NRP2: variants seen among roughly 807,000 people sequenced by gnomAD.
NRP2 encodes neuropilin-2.
NRP2 carries 52 observed loss-of-function variants against 110.4 expected under a neutral mutation model. The observed-to-expected ratio is 0.47, with a 90% CI of 0.38 to 0.59. The LOEUF (loss-of-function observed/expected upper bound fraction) is 0.59, where lower values mean the gene tolerates loss of function less well. NRP2 is among the 20% of genes least tolerant of loss of function. The probability of loss-of-function intolerance (pLI) is 0.00; values close to 1 mark genes in which losing one functional copy is unlikely to be tolerated. For missense variants in NRP2, 1,049 were observed against 1,203.0 expected (o/e 0.87, Z 1.89); for synonymous variants, 508 against 468.9 (o/e 1.08, Z -1.08).
At chr2:205,767,333 G>A in intron 15 of NRP2, 1 of 480,956 alleles carries the variant, frequency 2.1e-6, no homozygotes, top group South Asian at 1.5e-5. Flanking sequence ...GTGAGGTACG[G>A]TGGCAGGCTG....
chr2:205,781,219 C>T (rs911859227), intron 15 of NRP2, among the ~76,000 whole-genome samples: 2 of 152,196 alleles, frequency 1.3e-5, no homozygotes, highest in Admixed American at 6.5e-5. Flanking sequence ...TACTTACTCC[C>T]CCTAAAAGGG....
Position 205,686,213 on chromosome 2 carries a change from T to C in NRP2, c.73+2850T>C, listed in dbSNP as rs535490744. 6.6e-6 allele frequency among the ~76,000 whole-genome samples: 1 copy of C among 151,868 alleles called. No individual in the cohort carries two copies. Among genetic ancestry groups the C allele is most frequent in the East Asian group, 1.9e-4 (1 of 5,162 alleles). On this transcript the variant is annotated intron_variant, in intron 1 of 16. Coordinates refer to ENST00000357785, the MANE Select transcript of NRP2 (RefSeq NM_003872.3). This position sits in a 1 kb window ranked among gnomAD's most constrained non-coding sequence, Gnocchi z 4.7. Reference sequence around the variant, plus strand: ...TTGGCCGCCTCCAACTACTCCATGCTTGTGCCCTCCTCCTCCTCCTCCTCC... The same window carrying C: ...TTGGCCGCCTCCAACTACTCCATGCCTGTGCCCTCCTCCTCCTCCTCCTCC...
intron 7 of NRP2, among the ~76,000 whole-genome samples, chr2:205,740,201 A>G (rs1490153629): frequency 6.6e-6 from 1 of 152,154 alleles, no homozygotes; most frequent in Admixed American, 6.5e-5. Context: ...TTTTAAACAG[A>G]TATTCTACTT....
Position 205,749,854 on chromosome 2 carries a change from T to C in NRP2, c.1903+13T>C. 1 of 1,596,672 alleles carries C rather than the reference T, an allele frequency of 6.3e-7. No individual in the cohort carries two copies. On this transcript the variant is annotated intron_variant, in intron 11 of 16. Transcript: ENST00000357785. ...AGCTTTGAGGATGGTAAGCACAAAT[T>C]GCCTCCAGATGGCATGGGTGCGGAC...
chr2:205,701,741 G>A (rs2056562629), intron 2 of NRP2, among the ~76,000 whole-genome samples: 1 of 152,112 alleles, frequency 6.6e-6, no homozygotes, highest in South Asian at 2.1e-4. Context: ...ATTCCATTTA[G>A]GTGAAGTGTC....
At chr2:205,772,328 C>T (rs576771125) in intron 15 of NRP2, among the ~76,000 whole-genome samples, 1 of 152,352 alleles carries the variant, frequency 6.6e-6, no homozygotes, top group South Asian at 2.1e-4. Context: ...GGAACACTAC[C>T]TCATGTGTAA....
Position 205,727,896 on chromosome 2 carries a change from C to T in NRP2, c.996C>T (p.Asp332=), listed in dbSNP as rs770873685. ...TCCAGCCCTCTATTCCCCAGGTGGA[C>T]CTGCGCTTTTTAACCATGCTCACGG... The part of the protein sequence containing the change: ...LDSNKEYLQV[D]LRFLTMLTAI... Residue 332 remains aspartate, a synonymous_variant, in exon 7 of 17, where the codon GAC becomes GAT. Transcript: ENST00000357785. The T allele has an allele frequency of 2.2e-5, 36 of 1,613,122 alleles. No individual in the cohort carries two copies. The highest frequency in any genetic ancestry group is 2.9e-5 in the Non-Finnish European group (34 of 1,179,630).
chr2:205,769,505 T>TACACACACACACACACACACACAC (rs56837273), intron 15 of NRP2, among the ~76,000 whole-genome samples: 2 of 145,216 alleles, frequency 1.4e-5, no homozygotes, highest in East Asian at 2.1e-4. Flanking sequence ...TATACATACA[T>TACACACACACACACACACACACAC]ACACACACAC....
chr2:205,685,975 G>T (rs2056149014), intron 1 of NRP2, among the ~76,000 whole-genome samples: 2 of 152,130 alleles, frequency 1.3e-5, no homozygotes, highest in Non-Finnish European at 2.9e-5. Context: ...TGAAGAGCAC[G>T]CGGCGTGCGG....
At chr2:205,767,492 A>G in intron 15 of NRP2, 1 of 502,818 alleles carries the variant, frequency 2.0e-6, no homozygotes, top group Non-Finnish European at 4.0e-6. Flanking sequence ...AGGACTGAAA[A>G]TCAGAAAGGA....
Position 205,728,116 on chromosome 2 carries a change from A to G in NRP2, c.1146+70A>G, listed in dbSNP as rs1036104685. On this transcript the variant is annotated intron_variant, in intron 7 of 16. Coordinates refer to ENST00000357785, the MANE Select transcript of NRP2 (RefSeq NM_003872.3). The stretch of plus-strand genomic sequence containing the variant: ...GAGGGATGGGATCAGGGGAGCTTTA[A>G]GCCGACCTCCTACAGGAGAGAGGGC... 1.3e-5 allele frequency: 21 copies of G among 1,575,806 alleles called. 1 individual carries two copies. Among genetic ancestry groups the G allele is most frequent in the Admixed American group, 8.3e-5 (5 of 59,894 alleles).
chr2:205,699,982 TTCTC>T (rs1472641226), intron 2 of NRP2, among the ~76,000 whole-genome samples: 1 of 146,774 alleles, frequency 6.8e-6, no homozygotes, highest in Non-Finnish European at 1.5e-5. Flanking sequence ...TTCTCTCTCT[TTCTC>T]TCTCTCATTA....
At chr2:205,712,669 A>G (rs2056820988) in intron 2 of NRP2, among the ~76,000 whole-genome samples, 1 of 152,188 alleles carries the variant, frequency 6.6e-6, no homozygotes, top group Non-Finnish European at 1.5e-5. Flanking sequence ...TAAATGAGAC[A>G]TTCTGTATGA....
intron 10 of NRP2, among the ~76,000 whole-genome samples, chr2:205,748,078 G>A (rs1250636327): frequency 2.0e-5 from 3 of 152,080 alleles, no homozygotes; most frequent in African/African-American, 7.2e-5. Flanking sequence ...CTCGGTGCCC[G>A]CCGTTCCTCC....
At chr2:205,789,667 G>A (rs2058275953) in intron 15 of NRP2, among the ~76,000 whole-genome samples, 1 of 152,104 alleles carries the variant, frequency 6.6e-6, no homozygotes, top group Non-Finnish European at 1.5e-5. Flanking sequence ...CCTCCCAGAG[G>A]CCGGTAGCTT....
At chr2:205,776,758 A>T in intron 15 of NRP2, 2 of 1,444,030 alleles carry the variant, frequency 1.4e-6, no homozygotes, top group Non-Finnish European at 1.8e-6. Flanking sequence ...ACCCAACTCT[A>T]ATGCTGCATC....
chr2:205,720,225 C>G (rs1462195302), intron 3 of NRP2, among the ~76,000 whole-genome samples: 2 of 151,364 alleles, frequency 1.3e-5, no homozygotes, highest in East Asian at 1.9e-4. Context: ...AAGGATATAC[C>G]CATTTATAGC....
chr2:205,776,164 G>T, intron 15 of NRP2: 1 of 1,367,576 alleles, frequency 7.3e-7, no homozygotes, highest in South Asian at 1.2e-5. Flanking sequence ...GCATGTGTGT[G>T]TTTCTTTCTT....
chr2:205,708,295 T>G (rs955774508), intron 2 of NRP2, among the ~76,000 whole-genome samples: 3 of 152,168 alleles, frequency 2.0e-5, no homozygotes, highest in African/African-American at 7.2e-5. Context: ...ATTCCTTACA[T>G]AAGCAAACAT....
Sources: allele counts gnomAD v4.1 joint callset (sites outside exome capture counted in the v4.1 genomes callset), GRCh38; gene constraint gnomAD v4.1.1; non-coding constraint Gnocchi (gnomAD v3.1); transcripts MANE v1.5; gene names NCBI Gene and HGNC (gene_info 2026-07-23, HGNC 2026-07-21).